Variants in POLD3 observed in about 807,000 individuals in gnomAD.
POLD3 encodes DNA polymerase delta 3, accessory subunit.
In POLD3, 19 loss-of-function variants were observed where a neutral mutation model predicts 58.2. The ratio of observed to expected loss-of-function variants is 0.33; its 90% confidence interval spans 0.23 to 0.48. POLD3 has a LOEUF of 0.48. Among genes scored for constraint, POLD3 ranks in the 20% least tolerant of loss-of-function variants. The pLI, the probability that POLD3 is intolerant of heterozygous loss-of-function variation, is 0.99. For missense variants in POLD3, 504 were observed against 545.5 expected, an observed-to-expected ratio of 0.92 and a Z score of 0.76; for synonymous variants, 172 against 193.5, an observed-to-expected ratio of 0.89 and a Z score of 0.92.
At chr11:74,660,698 C>T (rs185878532) in intron 4 of POLD3, among the ~76,000 whole-genome samples, 83 of 152,186 alleles carry the variant, frequency 5.5e-4, no homozygotes, top group African/African-American at 1.9e-3. Flanking sequence ...AGCACCTCCC[C>T]CTGTGCACTC....
chr11:74,622,596 G>T (rs1266130463), intron 7 of POLD3, among the ~76,000 whole-genome samples: 1 of 152,180 alleles, frequency 6.6e-6, no homozygotes, highest in African/African-American at 2.4e-5. Flanking sequence ...TTCGACACAT[G>T]ACAAGATCAT....
rs869157886 is a variant in POLD3 at position 74,609,372 on chromosome 11, A to AT, written c.220-2101dup. Among the ~76,000 whole-genome samples, 40 of 27,200 alleles carry AT rather than the reference A, an allele frequency of 1.5e-3. 1 individual carries two copies. The highest frequency in any genetic ancestry group is 6.9e-3 in the East Asian group (5 of 726). 17.8% of individuals were successfully genotyped at this position (27,200 alleles called of 152,430 possible). On this transcript the variant is annotated intron_variant, in intron 3 of 11. Coordinates refer to ENST00000263681, the MANE Select transcript of POLD3 (RefSeq NM_006591.3). The stretch of plus-strand genomic sequence containing the variant: ...TATATATATATATATATATATATAT[A>AT]TTTTTTTTTTTTTTTTTTTTTTTTT...
chr11:74,665,562 G>A (rs575172064), intron 4 of POLD3, among the ~76,000 whole-genome samples: 45 of 151,762 alleles, frequency 3.0e-4, no homozygotes, highest in Non-Finnish European at 4.6e-4. Flanking sequence ...TACCACACCC[G>A]GCTAATTTTT....
chr11:74,666,733 T>G (rs2033273290), intron 4 of POLD3, among the ~76,000 whole-genome samples: 1 of 152,094 alleles, frequency 6.6e-6, no homozygotes, highest in South Asian at 2.1e-4. Context: ...ATTGACAAGC[T>G]GACCCTAAAA....
At chr11:74,649,574 C>T (rs539524860) in intron 4 of POLD3, among the ~76,000 whole-genome samples, 19 of 152,300 alleles carry the variant, frequency 1.2e-4, no homozygotes, top group African/African-American at 1.9e-4. Context: ...CTCCAAAGCT[C>T]ACCCCTAAAA....
intron 7 of POLD3, 107 bp downstream of exon 7, chr11:74,620,196 C>T (rs2032210440): frequency 2.5e-6 from 2 of 795,172 alleles, no homozygotes; most frequent in Middle Eastern, 2.4e-4. Flanking sequence ...ATCCAAGAGA[C>T]TACCTGCATT....
chr11:74,655,558 G>A (rs2033123322), intron 4 of POLD3, among the ~76,000 whole-genome samples: 1 of 151,740 alleles, frequency 6.6e-6, no homozygotes, highest in Non-Finnish European at 1.5e-5. Flanking sequence ...TGATATTTAC[G>A]GAACACAACA....
intron 2 of POLD3, among the ~76,000 whole-genome samples, chr11:74,602,863 T>C (rs765457121): frequency 2.6e-5 from 4 of 152,178 alleles, no homozygotes; most frequent in Non-Finnish European, 5.9e-5. Context: ...CTCAGAACCT[T>C]GGTATTTGCT....
At chr11:74,601,153 G>C (rs1301204622) in intron 2 of POLD3, among the ~76,000 whole-genome samples, 1 of 152,176 alleles carries the variant, frequency 6.6e-6, no homozygotes, top group Non-Finnish European at 1.5e-5. Flanking sequence ...ATTAGTTGTG[G>C]ATAAAAGATA....
Position 74,643,000 on chromosome 11 carries a change from CTG to C in POLD3, c.*2237_*2238del, listed in dbSNP as rs2032953906. The C allele has an allele frequency of 3.3e-6, 3 of 908,620 alleles. No individual in the cohort carries two copies. Among genetic ancestry groups the C allele is most frequent in the Middle Eastern group, 5.6e-4 (1 of 1,796 alleles). The allele number at this position is 908,620 out of a possible 1,614,324, so 56.3% of individuals were successfully genotyped here. On this transcript the variant is annotated 3_prime_UTR_variant, in exon 12 of 12. Coordinates refer to ENST00000263681, the MANE Select transcript of POLD3 (RefSeq NM_006591.3). The stretch of plus-strand genomic sequence containing the variant: ...GCTTCATCACTTGCTAGCTGTATGA[CTG>C]TGGGCAAGTTTCACAGCCTCAAGTT...
At chr11:74,643,318 A>G (rs1035146938), downstream of POLD3, among the ~76,000 whole-genome samples, 5 of 152,230 alleles carry the variant, frequency 3.3e-5, no homozygotes, top group African/African-American at 1.2e-4. Flanking sequence ...TTCCTACTGA[A>G]GGAATTATAG....
At position 74,641,671 on chromosome 11, in the gene POLD3, A is replaced by C. The variant is rs999108544; in HGVS notation, c.*905A>C. 9 of 984,916 alleles carry C rather than the reference A, an allele frequency of 9.1e-6. No homozygotes were observed. The African/African-American group carries it at 1.6e-4, about 17-fold the overall frequency. 61.0% of individuals were successfully genotyped at this position (984,916 alleles called of 1,614,324 possible). A position where few individuals can be genotyped will look rare whatever the true frequency, so the allele number is the denominator to read the frequency against. ...AAAAGAGAAATCCCTTCCTATATACAGTGTGCTACATTTACAAAAAATTTC... is the reference window on the plus strand; with the variant it reads ...AAAAGAGAAATCCCTTCCTATATACCGTGTGCTACATTTACAAAAAATTTC... On this transcript the variant is annotated 3_prime_UTR_variant, in exon 12 of 12. Coordinates refer to ENST00000263681, the MANE Select transcript of POLD3 (RefSeq NM_006591.3).
At chr11:74,602,378 ACCTGCTTTT>A (rs950371368) in intron 2 of POLD3, among the ~76,000 whole-genome samples, 82 of 152,060 alleles carry the variant, frequency 5.4e-4, no homozygotes, top group African/African-American at 1.9e-3. Flanking sequence ...TCCCCTCAAC[ACCTGCTTTT>A]CCTGCTTTTC....
intron 9 of POLD3, among the ~76,000 whole-genome samples, chr11:74,633,481 A>G (rs1406287120): frequency 6.6e-6 from 1 of 152,100 alleles, no homozygotes; most frequent in Non-Finnish European, 1.5e-5. Flanking sequence ...TCACTGTCAT[A>G]ATTTTTAACA....
chr11:74,594,265 A>G, intron 2 of POLD3, 149 bp downstream of exon 2: 1 of 611,560 alleles, frequency 1.6e-6, no homozygotes, highest in Admixed American at 2.9e-5. Context: ...GTAGCTGCGT[A>G]ATTCCAATCT....
intron 11 of POLD3, chr11:74,638,603 A>G (rs1157725290): frequency 2.2e-6 from 1 of 455,816 alleles, no homozygotes; most frequent in Non-Finnish European, 4.4e-6. Flanking sequence ...TGTCCCATTA[A>G]TTCAGTTACA....
chr11:74,620,352 A>G (rs1310245705), intron 7 of POLD3, among the ~76,000 whole-genome samples: 3 of 152,100 alleles, frequency 2.0e-5, no homozygotes, highest in Non-Finnish European at 4.4e-5. Context: ...ATAATGAACT[A>G]TTTGCTTCAT....
chr11:74,641,626 G>C lies in POLD3; in HGVS notation c.*860G>C. On this transcript the variant is annotated 3_prime_UTR_variant, in exon 12 of 12. Transcript: ENST00000263681. ...TCTCAATACCTAGAGAGTGAAACCC[G>C]TACAATGAGATAAAGACTAAAAAGA... 1.0e-6 allele frequency: 1 copy of C among 985,258 alleles called. No individual in the cohort carries two copies. Among genetic ancestry groups the C allele is most frequent in the Non-Finnish European group, 1.2e-6 (1 of 829,894 alleles). The allele number at this position is 985,258 out of a possible 1,614,324, so 61.0% of individuals were successfully genotyped here.
intron 9 of POLD3, among the ~76,000 whole-genome samples, chr11:74,630,300 A>G (rs976381528): frequency 6.6e-6 from 1 of 152,214 alleles, no homozygotes; most frequent in African/African-American, 2.4e-5. Flanking sequence ...CGAAAAAAGG[A>G]TATTAGCTCA....
Sources: allele counts gnomAD v4.1 joint callset (sites outside exome capture counted in the v4.1 genomes callset), GRCh38; gene constraint gnomAD v4.1.1; transcripts MANE v1.5; gene names NCBI Gene and HGNC (gene_info 2026-07-23, HGNC 2026-07-21).